The following CHRM3 variants were observed in gnomAD, a reference collection of about 807,000 sequenced individuals.
CHRM3 encodes muscarinic acetylcholine receptor M3.
A neutral mutation model predicts 41.8 loss-of-function variants in CHRM3; 11 were observed. That is an observed-to-expected ratio of 0.26 (90% CI 0.17 to 0.44). The LOEUF (loss-of-function observed/expected upper bound fraction) is 0.44. Among genes scored for constraint, CHRM3 ranks in the 20% least tolerant of loss-of-function variants. The probability of loss-of-function intolerance (pLI) is 1.00; values close to 1 mark genes in which losing one functional copy is unlikely to be tolerated. For synonymous variants in CHRM3, 297 were observed against 301.4 expected (o/e 0.99, Z 0.15); for missense variants, 571 against 745.4 (o/e 0.77, Z 2.72).
intron 5 of CHRM3, among the ~76,000 whole-genome samples, chr1:239,760,526 TG>T (rs1439877969): frequency 6.6e-6 from 1 of 152,178 alleles, no homozygotes; most frequent in Non-Finnish European, 1.5e-5. Context: ...CTGAACACAC[TG>T]GGCCTTTTCC....
At chr1:239,746,630 G>C (rs1665381289) in intron 5 of CHRM3, among the ~76,000 whole-genome samples, 3 of 151,944 alleles carry the variant, frequency 2.0e-5, no homozygotes, top group Admixed American at 2.0e-4. Context: ...TCTCATCCCT[G>C]GTCAGGATGT....
At chr1:239,834,983 G>A (rs1673194641) in intron 6 of CHRM3, among the ~76,000 whole-genome samples, 1 of 152,156 alleles carries the variant, frequency 6.6e-6, no homozygotes, top group Admixed American at 6.5e-5. Flanking sequence ...ATGGAAATAT[G>A]GGTGAGCTTT....
intron 5 of CHRM3, among the ~76,000 whole-genome samples, chr1:239,721,087 T>C (rs1662928960): frequency 6.6e-6 from 1 of 151,876 alleles, no homozygotes. Context: ...GAGTGCTCAA[T>C]TGAAGGAATG....
At chr1:239,540,650 G>A (rs4659917) in intron 2 of CHRM3, among the ~76,000 whole-genome samples, 104,544 of 152,006 alleles carry the variant, frequency 0.69, 39,450 homozygotes, top group Non-Finnish European at 0.83. Flanking sequence ...ACAAACACAC[G>A]GTCTTATTAT....
intron 5 of CHRM3, among the ~76,000 whole-genome samples, chr1:239,684,670 GAA>G (rs1171493210): frequency 8.2e-6 from 1 of 122,652 alleles, no homozygotes; most frequent in African/African-American, 3.1e-5. Context: ...AAAAAAGAAA[GAA>G]AAAAAGGAAG....
At chr1:239,762,953 T>C (rs1239707613) in intron 5 of CHRM3, among the ~76,000 whole-genome samples, 1 of 152,216 alleles carries the variant, frequency 6.6e-6, no homozygotes, top group African/African-American at 2.4e-5. Context: ...ATAATTGTCC[T>C]TTTATAGTCA....
intron 5 of CHRM3, among the ~76,000 whole-genome samples, chr1:239,778,316 G>A (rs768185859): frequency 5.9e-5 from 9 of 152,002 alleles, no homozygotes; most frequent in Admixed American, 1.3e-4. Flanking sequence ...TCCAACTATT[G>A]AGGTAATAAG....
intron 6 of CHRM3, among the ~76,000 whole-genome samples, chr1:239,833,162 C>T (rs1673032601): frequency 6.6e-6 from 1 of 152,184 alleles, no homozygotes; most frequent in Non-Finnish European, 1.5e-5. Flanking sequence ...GTCCACCTCC[C>T]TTGTTGTAAG....
chr1:239,714,036 A>G (rs1343597632), intron 5 of CHRM3: 1 of 152,040 alleles, frequency 6.6e-6, no homozygotes, highest in Non-Finnish European at 1.5e-5. Flanking sequence ...AAATTAGAAG[A>G]TGTCTCTCAA....
chr1:239,510,480 C>CTA (rs1668846804), intron 2 of CHRM3, among the ~76,000 whole-genome samples: 1 of 152,028 alleles, frequency 6.6e-6, no homozygotes, highest in Non-Finnish European at 1.5e-5. Context: ...GGGAGAACCT[C>CTA]TATCTTTAGT....
At chr1:239,872,437 T>C (rs1244505908) in intron 6 of CHRM3, among the ~76,000 whole-genome samples, 1 of 152,140 alleles carries the variant, frequency 6.6e-6, no homozygotes, top group Non-Finnish European at 1.5e-5. Context: ...GTAGCTATCC[T>C]GAAAAGTAGG....
chr1:239,647,913 A>T (rs1671882607), intron 4 of CHRM3, among the ~76,000 whole-genome samples: 1 of 152,166 alleles, frequency 6.6e-6, no homozygotes, highest in Non-Finnish European at 1.5e-5. Flanking sequence ...ACAAAATGGA[A>T]AAAAAATAAT....
chr1:239,481,470 T>C (rs1666849145), intron 1 of CHRM3, among the ~76,000 whole-genome samples: 1 of 152,220 alleles, frequency 6.6e-6, no homozygotes, highest in Admixed American at 6.5e-5. Context: ...CTTTTGCTGA[T>C]TTATTGCACA....
intron 5 of CHRM3, among the ~76,000 whole-genome samples, chr1:239,807,477 GGAAT>G (rs1670746706): frequency 1.3e-5 from 2 of 152,128 alleles, no homozygotes; most frequent in Admixed American, 1.3e-4. Flanking sequence ...TGCTACAGGG[GGAAT>G]GAAAGGAGGG....
chr1:239,687,414 CT>C (rs1659252469), intron 5 of CHRM3, among the ~76,000 whole-genome samples: 1 of 152,082 alleles, frequency 6.6e-6, no homozygotes, highest in South Asian at 2.1e-4. Flanking sequence ...GCATCATGGT[CT>C]TTCTGAGTGA....
At chr1:239,559,596 G>C (rs1660676495) in intron 3 of CHRM3, among the ~76,000 whole-genome samples, 1 of 152,156 alleles carries the variant, frequency 6.6e-6, no homozygotes, top group African/African-American at 2.4e-5. Context: ...TTTCAAGAGA[G>C]AGCCTGATGA....
rs145485123 is a variant in CHRM3 at position 239,411,065 on chromosome 1, T to G, written c.-521+23838T>G. Among the ~76,000 whole-genome samples the G allele has an allele frequency of 5.9e-5, 9 of 152,362 alleles. No individual in the cohort carries two copies. In the East Asian group the frequency reaches 1.5e-3, roughly 26 times the overall value. On this transcript the variant is annotated intron_variant, in intron 1 of 6. Coordinates refer to ENST00000676153, the MANE Select transcript of CHRM3 (RefSeq NM_001375978.1). ...AAATATGATTTACACAGTTGTTGCA[T>G]TCCTGTGTCACTAACGAGTTTTTAA...
chr1:239,521,631 G>A (rs1395823050), intron 2 of CHRM3, among the ~76,000 whole-genome samples: 5 of 152,070 alleles, frequency 3.3e-5, no homozygotes, highest in Non-Finnish European at 5.9e-5. Flanking sequence ...TGATGCACTG[G>A]TTTTATAGAC....
At chr1:239,612,806 T>C (rs1667216581) in intron 3 of CHRM3, among the ~76,000 whole-genome samples, 1 of 152,154 alleles carries the variant, frequency 6.6e-6, no homozygotes, top group Non-Finnish European at 1.5e-5. Flanking sequence ...TGCGTATTGA[T>C]CAGGAGCTCC....
Sources: allele counts gnomAD v4.1 joint callset (sites outside exome capture counted in the v4.1 genomes callset), GRCh38; gene constraint gnomAD v4.1.1; transcripts MANE v1.5; gene names NCBI Gene and HGNC (gene_info 2026-07-23, HGNC 2026-07-21).